The following HDGF variants were observed in gnomAD, a reference collection of about 807,000 sequenced individuals.
HDGF encodes heparin binding growth factor.
In HDGF, 5 loss-of-function variants were observed where a neutral mutation model predicts 30.0. The observed-to-expected ratio is 0.17, with a 90% CI of 0.09 to 0.35. The LOEUF is 0.35. Among genes scored for constraint, HDGF ranks in the 10% least tolerant of loss-of-function variants. The pLI, the probability that HDGF is intolerant of heterozygous loss-of-function variation, is 1.00. For synonymous variants in HDGF, 133 were observed against 112.7 expected, an observed-to-expected ratio of 1.18 and a Z score of -1.14; for missense variants, 214 against 302.8, an observed-to-expected ratio of 0.71 and a Z score of 2.18.
intron 1 of HDGF, among the ~76,000 whole-genome samples, chr1:156,762,941 T>C (rs747290661): frequency 1.4e-4 from 21 of 152,056 alleles, no homozygotes; most frequent in Non-Finnish European, 1.8e-4. Flanking sequence ...GGGGAATCCC[T>C]GGTATCAGAC....
At chr1:156,759,885 CCT>C (rs1651220208) in intron 1 of HDGF, among the ~76,000 whole-genome samples, 1 of 152,162 alleles carries the variant, frequency 6.6e-6, no homozygotes, top group Non-Finnish European at 1.5e-5. Flanking sequence ...TAATCAGTCC[CCT>C]GTTGATGGGC....
chr1:156,757,759 C>G (rs1033481833), intron 2 of HDGF, among the ~76,000 whole-genome samples: 1 of 150,672 alleles, frequency 6.6e-6, no homozygotes, highest in Non-Finnish European at 1.5e-5. Context: ...TGACACTGCA[C>G]TCCAGCCTGG....
rs778748862 is a variant in HDGF at position 156,751,318 on chromosome 1, G to C, written c.87+25C>G. The C allele has an allele frequency of 2.0e-5, 32 of 1,603,056 alleles. No homozygotes were observed. Among genetic ancestry groups the C allele is most frequent in the Non-Finnish European group, 2.6e-5 (31 of 1,174,334 alleles). On this transcript the variant is annotated intron_variant, in intron 1 of 5. Transcript: ENST00000357325. This position sits in a 1 kb window ranked among gnomAD's most constrained non-coding sequence, Gnocchi z 4.7. The stretch of plus-strand genomic sequence containing the variant: ...TGCAACCCAAGCCCGCAGGGGGTTA[G>C]GGGGCGGCGGGCCGCGCTGCTCACC...
At chr1:156,757,238 G>C (rs1048653843), upstream of HDGF, among the ~76,000 whole-genome samples, 4 of 151,804 alleles carry the variant, frequency 2.6e-5, no homozygotes, top group African/African-American at 9.7e-5. Flanking sequence ...GGCCGAGGTA[G>C]GCGATCATGA....
At chr1:156,756,782 A>G (rs1317976438), upstream of HDGF, among the ~76,000 whole-genome samples, 1 of 150,118 alleles carries the variant, frequency 6.7e-6, no homozygotes, top group Non-Finnish European at 1.5e-5. Flanking sequence ...TTATTTTTTT[A>G]AAAAGGTGGT....
At chr1:156,758,608 T>TAAATAAATAAATAA (rs1553251129) in intron 2 of HDGF, among the ~76,000 whole-genome samples, 3 of 92,042 alleles carry the variant, frequency 3.3e-5, no homozygotes, top group East Asian at 5.9e-4. Context: ...AAAAAATAAA[T>TAAATAAATAAATAA]AAATAAATAA....
At chr1:156,757,790 A>G (rs1651176861) in intron 2 of HDGF, among the ~76,000 whole-genome samples, 1 of 151,518 alleles carries the variant, frequency 6.6e-6, no homozygotes, top group African/African-American at 2.4e-5. Context: ...CTGTCTCAAA[A>G]AAAAAAAAAA....
chr1:156,751,592 C>T lies in HDGF; in HGVS notation c.-163G>A, dbSNP rs927565370. ...CCGGCGCGGCCACGGCGTCTCCGCC[C>T]GCGCGCCGCACGGACGGGGCGGGCG... On this transcript the variant is annotated 5_prime_UTR_variant, in exon 1 of 6. Coordinates refer to ENST00000357325, the MANE Select transcript of HDGF (RefSeq NM_004494.3). The surrounding 1 kb of genome is among the most constrained non-coding windows in gnomAD (Gnocchi z 4.7). The T allele has an allele frequency of 3.8e-5, 37 of 984,330 alleles. No homozygotes were observed. Among genetic ancestry groups the T allele is most frequent in the South Asian group, 4.7e-5 (1 of 21,346 alleles). The allele number at this position is 984,330 out of a possible 1,614,324, so 61.0% of individuals were successfully genotyped here. A position where few individuals can be genotyped will look rare whatever the true frequency, so the allele number is the denominator to read the frequency against.
At chr1:156,748,959 C>G (rs983508358) in intron 1 of HDGF, among the ~76,000 whole-genome samples, 14 of 152,160 alleles carry the variant, frequency 9.2e-5, no homozygotes, top group Non-Finnish European at 1.9e-4. Context: ...GATTGTGAAA[C>G]AGGAAGCAGC....
Position 156,743,584 on chromosome 1 carries a change from C to A in HDGF, c.716+68G>T, listed in dbSNP as rs912660581. 111 of 1,557,080 alleles carry A rather than the reference C, an allele frequency of 7.1e-5. No individual in the cohort carries two copies. The African/African-American group carries it at 1.3e-3, about 18-fold the overall frequency. ...GAGGCTGACCACTGCAGGCCCTTTT[C>A]ATCCTCTTCTCCGAGAGTGGCCGGT... On this transcript the variant is annotated intron_variant, in intron 5 of 5. Coordinates refer to ENST00000357325, the MANE Select transcript of HDGF (RefSeq NM_004494.3).
chr1:156,756,553 C>G (rs1197588859), upstream of HDGF, among the ~76,000 whole-genome samples: 1 of 152,100 alleles, frequency 6.6e-6, no homozygotes, highest in Non-Finnish European at 1.5e-5. Context: ...CTCAACCTTT[C>G]TGTTTCTCAG....
In HDGF at chr1:156,745,360, G is replaced by A. The variant is rs1650454325; in HGVS notation, c.101C>T (p.Pro34Leu). The A allele has an allele frequency of 6.2e-7, 1 of 1,613,712 alleles. No homozygotes were observed. Among genetic ancestry groups the A allele is most frequent in the Admixed American group, 1.7e-5 (1 of 59,950 alleles). Residue 34 changes from proline (P) to leucine (L), a missense_variant, in exon 2 of 6, where the codon CCT becomes CTT. This residue lies in a region of HDGF where 38 missense variants were observed against 91.1 expected (regional missense o/e 0.42). Transcript: ENST00000357325. The part of the protein sequence containing the change: ...PHWPARIDEM[P>L]EAAVKSTANK... ...GGCTGTTGATTTCACGGCAGCCTCA[G>A]GCATCTCGTCAATCTGGGGTGAGAT...
At chr1:156,762,765 G>A (rs1049017568) in intron 1 of HDGF, among the ~76,000 whole-genome samples, 2 of 152,072 alleles carry the variant, frequency 1.3e-5, no homozygotes, top group East Asian at 1.9e-4. Flanking sequence ...CCAGCTACTC[G>A]GGAGGCTGAG....
At chr1:156,761,719 G>A (rs1157671426) in intron 1 of HDGF, among the ~76,000 whole-genome samples, 1 of 151,306 alleles carries the variant, frequency 6.6e-6, no homozygotes, top group Admixed American at 6.6e-5. Flanking sequence ...AGGCTGAGGC[G>A]GGCGGATCTT....
At chr1:156,766,627 A>G (rs1651386384) in intron 1 of HDGF, among the ~76,000 whole-genome samples, 1 of 152,236 alleles carries the variant, frequency 6.6e-6, no homozygotes, top group African/African-American at 2.4e-5. Flanking sequence ...TAAGAAAGTC[A>G]CATACAAAGC....
chr1:156,751,447 C>G lies in HDGF; in HGVS notation c.-18G>C, dbSNP rs1553250544. ...CGCGACATGGCGGGGCTCCGGGCGC[C>G]CCGGGCTCCGCGCCGGGCCGGGAAG... On this transcript the variant is annotated 5_prime_UTR_variant, in exon 1 of 6. Coordinates refer to ENST00000357325, the MANE Select transcript of HDGF (RefSeq NM_004494.3). This position sits in a 1 kb window ranked among gnomAD's most constrained non-coding sequence, Gnocchi z 4.7. The G allele has an allele frequency of 2.6e-6, 4 of 1,535,572 alleles. No homozygotes were observed. Among genetic ancestry groups the G allele is most frequent in the Non-Finnish European group, 3.5e-6 (4 of 1,137,930 alleles).
At position 156,742,941 on chromosome 1, in the gene HDGF, CA is replaced by C. The variant is rs1287549090; in HGVS notation, c.*507del. On this transcript the variant is annotated 3_prime_UTR_variant, in exon 6 of 6. Coordinates refer to ENST00000357325, the MANE Select transcript of HDGF (RefSeq NM_004494.3). ...TAGGCAGCTGGGATAATAGGTGTAG[CA>C]GGGGACAGGAGCTCAGAAGGAGGCC... The C allele has an allele frequency of 6.5e-6, 1 of 154,836 alleles. No individual in the cohort carries two copies. The highest frequency in any genetic ancestry group is 2.4e-5 in the African/African-American group (1 of 41,526). The allele number at this position is 154,836 out of a possible 1,614,324, so 9.6% of individuals were successfully genotyped here. A position where few individuals can be genotyped will look rare whatever the true frequency, so the allele number is the denominator to read the frequency against.
intron 1 of HDGF, among the ~76,000 whole-genome samples, chr1:156,760,354 C>T (rs1358835587): frequency 6.6e-6 from 1 of 152,076 alleles, no homozygotes; most frequent in East Asian, 1.9e-4. Flanking sequence ...TGAGGGGGGG[C>T]CAAGTCCTCT....
At chr1:156,764,773 C>G (rs1270393283) in intron 1 of HDGF, among the ~76,000 whole-genome samples, 1 of 151,586 alleles carries the variant, frequency 6.6e-6, no homozygotes, top group African/African-American at 2.4e-5. Context: ...GTAATCCCAG[C>G]TACTCGGGAG....
Sources: gnomAD v4.1 joint callset for allele counts (sites outside exome capture counted in the v4.1 genomes callset) on GRCh38, gnomAD v4.1.1 for gene constraint, gnomAD v4.1.1 regional missense constraint, Gnocchi (gnomAD v3.1) non-coding constraint, MANE v1.5 for transcripts, NCBI Gene and HGNC (gene_info 2026-07-23, HGNC 2026-07-21) for gene names.